The following ALDH1A2 variants were observed in gnomAD, a reference collection of about 807,000 sequenced individuals.
ALDH1A2 encodes retinal dehydrogenase 2.
In ALDH1A2, 27 loss-of-function variants were observed where a neutral mutation model predicts 60.3. That is an observed-to-expected ratio of 0.45 (90% CI 0.33 to 0.62). ALDH1A2 has a LOEUF of 0.62. Among genes scored for constraint, ALDH1A2 ranks in the 20% least tolerant of loss-of-function variants. ALDH1A2 has a pLI of 0.02. For missense variants in ALDH1A2, 581 were observed against 643.8 expected, an observed-to-expected ratio of 0.90 and a Z score of 1.06; for synonymous variants, 289 against 232.4, an observed-to-expected ratio of 1.24 and a Z score of -2.21.
intron 1 of ALDH1A2, among the ~76,000 whole-genome samples, chr15:58,064,857 A>T (rs1187430386): frequency 2.1e-5 from 3 of 145,926 alleles, no homozygotes; most frequent in Admixed American, 6.6e-5. Context: ...AACGTTCGTT[A>T]TAAAAAAAAA....
chr15:57,964,820 T>C (rs908681324), intron 8 of ALDH1A2: 2 of 152,264 alleles, frequency 1.3e-5, no homozygotes, highest in African/African-American at 4.8e-5. Context: ...CAGTCAATGT[T>C]AGGGAGATGA....
intron 4 of ALDH1A2, among the ~76,000 whole-genome samples, chr15:57,998,170 T>C (rs1049780147): frequency 3.5e-4 from 53 of 151,994 alleles, no homozygotes; most frequent in African/African-American, 1.2e-3. Context: ...ACCACTCCTA[T>C]TCAACATAGT....
intron 1 of ALDH1A2, among the ~76,000 whole-genome samples, chr15:58,025,829 G>C (rs1006507733): frequency 6.6e-6 from 1 of 152,188 alleles, no homozygotes; most frequent in African/African-American, 2.4e-5. Context: ...TGGTGACAGA[G>C]AGAGCAAGAG....
At chr15:57,967,499 C>G (rs1566931344) in intron 7 of ALDH1A2, among the ~76,000 whole-genome samples, 4 of 152,156 alleles carry the variant, frequency 2.6e-5, no homozygotes, top group Non-Finnish European at 1.5e-5. Context: ...ATCTCCCAAA[C>G]TGCCTGTGCT....
intron 7 of ALDH1A2, among the ~76,000 whole-genome samples, chr15:57,975,411 A>G (rs1348957812): frequency 6.6e-6 from 1 of 152,230 alleles, no homozygotes; most frequent in Non-Finnish European, 1.5e-5. Context: ...CCTTATCAAA[A>G]TGTGTAGAAC....
intron 1 of ALDH1A2, among the ~76,000 whole-genome samples, chr15:58,030,896 G>A (rs943166925): frequency 6.6e-6 from 1 of 152,036 alleles, no homozygotes; most frequent in Admixed American, 6.6e-5. Context: ...ACAAACAGAC[G>A]GAAGAACATT....
At chr15:58,042,287 C>T (rs564928308) in intron 1 of ALDH1A2, among the ~76,000 whole-genome samples, 1 of 151,962 alleles carries the variant, frequency 6.6e-6, no homozygotes, top group Non-Finnish European at 1.5e-5. Flanking sequence ...GAGCTAACTG[C>T]AGGTCCTCTG....
intron 1 of ALDH1A2, among the ~76,000 whole-genome samples, chr15:58,040,509 A>T (rs1896491817): frequency 6.6e-6 from 1 of 151,924 alleles, no homozygotes; most frequent in Non-Finnish European, 1.5e-5. Flanking sequence ...TCTAGATAAC[A>T]AATCTACGAT....
chr15:58,023,658 G>GGAAAAAAAA (rs775450508), intron 1 of ALDH1A2, among the ~76,000 whole-genome samples: 7 of 129,424 alleles, frequency 5.4e-5, no homozygotes, highest in African/African-American at 2.0e-4. Context: ...AAAGTGCTGG[G>GGAAAAAAAA]AAAAAAAAAA....
intron 1 of ALDH1A2, among the ~76,000 whole-genome samples, chr15:58,037,495 A>G (rs552449373): frequency 1.3e-5 from 2 of 151,880 alleles, no homozygotes; most frequent in Admixed American, 1.3e-4. Flanking sequence ...TCAATGTTGA[A>G]TAACTAGCTT....
intron 1 of ALDH1A2, among the ~76,000 whole-genome samples, chr15:58,017,425 A>G (rs1237981398): frequency 6.6e-6 from 1 of 152,212 alleles, no homozygotes; most frequent in Non-Finnish European, 1.5e-5. Context: ...CATTTATAAA[A>G]GTAAAAATGA....
intron 1 of ALDH1A2, among the ~76,000 whole-genome samples, chr15:58,039,388 C>T (rs1303576256): frequency 2.0e-5 from 3 of 151,560 alleles, no homozygotes; most frequent in Admixed American, 6.6e-5. Flanking sequence ...AAAGGGATAA[C>T]CCCGGGAAAG....
intron 1 of ALDH1A2, among the ~76,000 whole-genome samples, chr15:58,019,035 T>G (rs577213431): frequency 1.3e-5 from 2 of 152,306 alleles, no homozygotes; most frequent in Non-Finnish European, 2.9e-5. Context: ...ATTTCCTGAT[T>G]TTTATAACTT....
At chr15:57,968,517 C>T (rs1012084180) in intron 7 of ALDH1A2, among the ~76,000 whole-genome samples, 4 of 152,250 alleles carry the variant, frequency 2.6e-5, no homozygotes, top group African/African-American at 9.6e-5. Flanking sequence ...TTACTGAGCA[C>T]TAATGTGTGC....
chr15:58,011,184 A>T (rs1188570537), intron 3 of ALDH1A2, among the ~76,000 whole-genome samples: 1 of 152,174 alleles, frequency 6.6e-6, no homozygotes. Flanking sequence ...TATGCAACTG[A>T]TGAGAATAGA....
intron 1 of ALDH1A2, among the ~76,000 whole-genome samples, chr15:58,039,144 T>C (rs1896451297): frequency 6.6e-6 from 1 of 151,806 alleles, no homozygotes; most frequent in Admixed American, 6.6e-5. Context: ...GTATATATCC[T>C]GTGCATTTAA....
chr15:58,013,667 G>A (rs1895700976), intron 3 of ALDH1A2, among the ~76,000 whole-genome samples, 191 bp downstream of exon 3: 2 of 152,102 alleles, frequency 1.3e-5, no homozygotes, highest in Non-Finnish European at 2.9e-5. Context: ...CAGGAGAATC[G>A]CTTGTACCTG....
chr15:58,048,688 C>T (rs1289677724), intron 1 of ALDH1A2, among the ~76,000 whole-genome samples: 3 of 152,034 alleles, frequency 2.0e-5, no homozygotes, highest in Non-Finnish European at 4.4e-5. Context: ...CCATGGGTTA[C>T]AGCAGGATAC....
intron 1 of ALDH1A2, among the ~76,000 whole-genome samples, chr15:58,063,883 G>A (rs1897103993): frequency 6.6e-6 from 1 of 152,144 alleles, no homozygotes; most frequent in African/African-American, 2.4e-5. Flanking sequence ...GCTCCAATTA[G>A]CTATAAATCA....
Sources: allele counts gnomAD v4.1 joint callset (sites outside exome capture counted in the v4.1 genomes callset), GRCh38; gene constraint gnomAD v4.1.1; transcripts MANE v1.5; gene names NCBI Gene and HGNC (gene_info 2026-07-23, HGNC 2026-07-21).